The following CRB1 variants were observed in gnomAD, a reference collection of about 807,000 sequenced individuals.
CRB1 encodes the protein protein crumbs homolog 1.
CRB1 carries 83 observed loss-of-function variants against 120.0 expected under a neutral mutation model. The observed-to-expected ratio is 0.69, with a 90% CI of 0.58 to 0.83. The LOEUF is 0.83. Among genes scored for constraint, CRB1 ranks in the 40% least tolerant of loss-of-function variants. The pLI is 0.00. For synonymous variants in CRB1, 625 were observed against 612.5 expected, an observed-to-expected ratio of 1.02 and a Z score of -0.30; for missense variants, 1,699 against 1,687.6, an observed-to-expected ratio of 1.01 and a Z score of -0.12.
At chr1:197,322,243 G>A (rs1299918944) in intron 1 of CRB1, among the ~76,000 whole-genome samples, 2 of 152,034 alleles carry the variant, frequency 1.3e-5, no homozygotes, top group African/African-American at 4.8e-5. Context: ...CACATTGGGG[G>A]GCCGAGGTAG....
the CRB1 span, among the ~76,000 whole-genome samples, chr1:197,206,688 C>G: frequency 1.3e-5 from 2 of 151,976 alleles, no homozygotes; most frequent in Admixed American, 1.3e-4. Flanking sequence ...GAGAATGTAC[C>G]ATGTGCTGAT....
chr1:197,450,013 C>G (rs1271897347), intron 11 of CRB1, among the ~76,000 whole-genome samples: 2 of 152,138 alleles, frequency 1.3e-5, no homozygotes, highest in African/African-American at 4.8e-5. Context: ...TGGTGCTGAG[C>G]AGAGACTGCA....
At chr1:197,229,052 C>T in the CRB1 span, among the ~76,000 whole-genome samples, 1 of 152,106 alleles carries the variant, frequency 6.6e-6, no homozygotes, top group Non-Finnish European at 1.5e-5. Flanking sequence ...GAGTACAATT[C>T]AAGATGAGAT....
At chr1:197,425,498 C>T (rs982117697) in intron 6 of CRB1, among the ~76,000 whole-genome samples, 1 of 152,130 alleles carries the variant, frequency 6.6e-6, no homozygotes, top group Non-Finnish European at 1.5e-5. Context: ...GAAATATGCT[C>T]TTTTTTTCTG....
At chr1:197,249,570 A>C in the CRB1 span, among the ~76,000 whole-genome samples, 5 of 151,984 alleles carry the variant, frequency 3.3e-5, no homozygotes, top group African/African-American at 1.2e-4. Flanking sequence ...GGTCATGAAA[A>C]GTAGTATTTA....
intron 5 of CRB1, among the ~76,000 whole-genome samples, chr1:197,415,605 CTTTTTTCTTTT>C (rs1176547489): frequency 3.8e-5 from 5 of 131,654 alleles, no homozygotes; most frequent in Admixed American, 1.5e-4. Context: ...ACCTCTTTTT[CTTTTTTCTTTT>C]TTTTTTCTTT....
the CRB1 span, among the ~76,000 whole-genome samples, chr1:197,228,238 A>C: frequency 6.6e-5 from 10 of 152,068 alleles, no homozygotes; most frequent in African/African-American, 2.2e-4. Flanking sequence ...TTCTCCTCAA[A>C]AACTGGGTTT....
the CRB1 span, among the ~76,000 whole-genome samples, chr1:197,246,089 A>G: frequency 6.6e-6 from 1 of 151,986 alleles, no homozygotes. Flanking sequence ...CACTGGAAAT[A>G]TGGGAGGAGC....
chr1:197,243,149 T>C, the CRB1 span, among the ~76,000 whole-genome samples: 2 of 152,184 alleles, frequency 1.3e-5, no homozygotes, highest in African/African-American at 4.8e-5. Context: ...TTGATTTTTT[T>C]GAAGGGTTTT....
intron 1 of CRB1, among the ~76,000 whole-genome samples, chr1:197,270,442 T>C (rs1182183077): frequency 6.6e-6 from 1 of 152,176 alleles, no homozygotes; most frequent in Non-Finnish European, 1.5e-5. Context: ...TAGGAAACTA[T>C]AATTTAATTA....
the CRB1 span, among the ~76,000 whole-genome samples, chr1:197,258,039 A>C: frequency 6.6e-6 from 1 of 152,180 alleles, no homozygotes; most frequent in Non-Finnish European, 1.5e-5. Flanking sequence ...TCTTCTCTCT[A>C]TTTAAATACT....
At chr1:197,441,949 T>A in intron 10 of CRB1, 1 of 585,644 alleles carries the variant, frequency 1.7e-6, no homozygotes, top group East Asian at 2.8e-5. Context: ...CGTGTGTATA[T>A]GTATATATAT....
the CRB1 span, chr1:197,222,322 C>T: frequency 4.2e-6 from 3 of 717,552 alleles, no homozygotes; most frequent in African/African-American, 1.7e-5. Flanking sequence ...TGGCCTATAC[C>T]GGGAGAGTGA....
chr1:197,298,618 T>C (rs889703220), intron 1 of CRB1, among the ~76,000 whole-genome samples: 2 of 152,240 alleles, frequency 1.3e-5, no homozygotes, highest in South Asian at 4.1e-4. Context: ...GGAGGGAATA[T>C]GTCCTACCAG....
chr1:197,452,826 A>G (rs1039868713), intron 11 of CRB1, among the ~76,000 whole-genome samples: 3 of 152,216 alleles, frequency 2.0e-5, no homozygotes, highest in Non-Finnish European at 4.4e-5. Context: ...TCCCCAAAAA[A>G]TTAAAAATAG....
chr1:197,208,449 A>T, the CRB1 span, among the ~76,000 whole-genome samples: 2 of 151,950 alleles, frequency 1.3e-5, no homozygotes, highest in Admixed American at 6.6e-5. Flanking sequence ...TCCCCTAGGT[A>T]TGTGGTTTCC....
At chr1:197,411,365 T>C (rs1333621891) in intron 5 of CRB1, among the ~76,000 whole-genome samples, 2 of 152,200 alleles carry the variant, frequency 1.3e-5, no homozygotes, top group Admixed American at 6.5e-5. Context: ...CAGAATAAAG[T>C]AAACCATAGG....
At chr1:197,379,605 CAA>C (rs75820081) in intron 5 of CRB1, among the ~76,000 whole-genome samples, 70 of 74,372 alleles carry the variant, frequency 9.4e-4, no homozygotes, top group African/African-American at 2.8e-3. Flanking sequence ...CGGCCCCGGC[CAA>C]AAAAAAAAAA....
intron 2 of CRB1, among the ~76,000 whole-genome samples, chr1:197,335,098 T>C (rs1659077377): frequency 6.6e-6 from 1 of 152,168 alleles, no homozygotes; most frequent in African/African-American, 2.4e-5. Flanking sequence ...TGGAATAGCA[T>C]TCCAGGCAGA....
Sources: gnomAD v4.1 joint callset for allele counts (sites outside exome capture counted in the v4.1 genomes callset) on GRCh38, gnomAD v4.1.1 for gene constraint, MANE v1.5 for transcripts, NCBI Gene and HGNC (gene_info 2026-07-23, HGNC 2026-07-21) for gene names.